The following VPS13B variants were observed in gnomAD, a reference collection of about 807,000 sequenced individuals.
VPS13B encodes the protein intermembrane lipid transfer protein VPS13B.
In VPS13B, 285 loss-of-function variants were observed where a neutral mutation model predicts 426.4. The observed-to-expected ratio is 0.67, with a 90% CI of 0.61 to 0.74. The LOEUF is 0.74. Ranked by LOEUF, VPS13B falls within the 30% of genes least tolerant of loss-of-function variation. The probability of loss-of-function intolerance (pLI) is 0.00; values close to 1 mark genes in which losing one functional copy is unlikely to be tolerated. For missense variants in VPS13B, 4,537 were observed against 4,782.6 expected, an observed-to-expected ratio of 0.95 and a Z score of 1.51; for synonymous variants, 1,676 against 1,676.4, an observed-to-expected ratio of 1.00 and a Z score of 0.01.
chr8:99,783,851 G>A (rs527599121), intron 42 of VPS13B, among the ~76,000 whole-genome samples: 1 of 152,224 alleles, frequency 6.6e-6, no homozygotes, highest in East Asian at 1.9e-4. Flanking sequence ...AGGGATCTGG[G>A]GATGTTTTAC....
At chr8:99,710,653 A>AGT (rs1471310462) in intron 36 of VPS13B, among the ~76,000 whole-genome samples, 2 of 151,876 alleles carry the variant, frequency 1.3e-5, no homozygotes, top group Non-Finnish European at 2.9e-5. Flanking sequence ...CTATCCTGTA[A>AGT]GTGACCCTTT....
chr8:99,235,702 A>T (rs1446870115), intron 17 of VPS13B, among the ~76,000 whole-genome samples: 1 of 152,198 alleles, frequency 6.6e-6, no homozygotes, highest in Non-Finnish European at 1.5e-5. Flanking sequence ...GATGCGTTAC[A>T]TTAAATCCAC....
chr8:99,089,835 G>C (rs1436752680), intron 3 of VPS13B, among the ~76,000 whole-genome samples: 1 of 152,106 alleles, frequency 6.6e-6, no homozygotes, highest in Non-Finnish European at 1.5e-5. Context: ...CCCCACAAGA[G>C]ACAGCTTTAT....
chr8:99,162,620 C>A (rs938007690), intron 15 of VPS13B, among the ~76,000 whole-genome samples: 1 of 152,094 alleles, frequency 6.6e-6, no homozygotes, highest in African/African-American at 2.4e-5. Context: ...GTGAGTGTTA[C>A]AGCTCTTAAG....
Position 99,828,414 on chromosome 8 carries a change from T to G in VPS13B, c.9331-3955T>G, listed in dbSNP as rs1172559566. ...CCACCGTTTTTTTTTTTTTTTTTTT[T>G]TTTTTTTTTTTTTTTTTTTTGCTTT... On this transcript the variant is annotated intron_variant, in intron 51 of 61. Transcript: ENST00000357162. Among the ~76,000 whole-genome samples the G allele has an allele frequency of 9.4e-4, 110 of 116,510 alleles. 8 individuals are homozygous for G. The highest frequency in any genetic ancestry group is 2.7e-3 in the African/African-American group (80 of 29,604). The allele number at this position is 116,510 out of a possible 152,430, so 76.4% of individuals were successfully genotyped here. A position where few individuals can be genotyped will look rare whatever the true frequency, so the allele number is the denominator to read the frequency against.
chr8:99,028,445 C>T (rs1415403676), intron 2 of VPS13B, among the ~76,000 whole-genome samples: 1 of 143,644 alleles, frequency 7.0e-6, no homozygotes, highest in Non-Finnish European at 1.5e-5. Context: ...AGAGGGGCTC[C>T]TCACTTCCCA....
chr8:99,023,175 C>T (rs1010531840), intron 2 of VPS13B, among the ~76,000 whole-genome samples: 2 of 151,480 alleles, frequency 1.3e-5, no homozygotes, highest in African/African-American at 2.4e-5. Context: ...CCCCTCCCAC[C>T]CCTTCTACCC....
In VPS13B at chr8:99,128,406, A is replaced by T. The variant is rs1809561920; in HGVS notation, c.1207-6226A>T. Among the ~76,000 whole-genome samples, 4 of 149,522 alleles carry T rather than the reference A, an allele frequency of 2.7e-5. No individual in the cohort carries two copies. The South Asian group carries it at 8.5e-4, about 32-fold the overall frequency. On this transcript the variant is annotated intron_variant, in intron 8 of 61. Transcript: ENST00000357162. ...TGTCCCAAAAAAAAAAAAAAAAAAA[A>T]AAAAAAAAAAAAAAAAAAAAATTTG...
intron 44 of VPS13B, among the ~76,000 whole-genome samples, chr8:99,810,799 T>C (rs1372431531): frequency 2.0e-5 from 3 of 152,290 alleles, no homozygotes; most frequent in Middle Eastern, 3.4e-3. Context: ...TGAGAAGATA[T>C]GACTTGAGCT....
intron 3 of VPS13B, among the ~76,000 whole-genome samples, chr8:99,075,142 T>C (rs1052015058): frequency 1.3e-5 from 2 of 152,214 alleles, no homozygotes; most frequent in Admixed American, 1.3e-4. Context: ...TACTACTCAT[T>C]GAATCTTGTT....
At chr8:99,073,940 T>A (rs1314558946) in intron 3 of VPS13B, among the ~76,000 whole-genome samples, 3 of 151,844 alleles carry the variant, frequency 2.0e-5, no homozygotes, top group Non-Finnish European at 2.9e-5. Context: ...CTGGCTAATT[T>A]TTTTATTTTT....
intron 30 of VPS13B, among the ~76,000 whole-genome samples, chr8:99,521,735 A>G (rs578200356): frequency 1.3e-5 from 2 of 152,300 alleles, no homozygotes; most frequent in Admixed American, 6.5e-5. Context: ...CAGATGTTGT[A>G]GTCTCACTCT....
intron 19 of VPS13B, among the ~76,000 whole-genome samples, chr8:99,321,194 T>C (rs1285984558): frequency 7.0e-6 from 1 of 142,710 alleles, no homozygotes; most frequent in Non-Finnish European, 1.5e-5. Flanking sequence ...CACAATTTTC[T>C]TTCTTTTTTC....
In VPS13B at chr8:99,853,954, C is replaced by T. The variant is rs781253026; in HGVS notation, c.10565C>T (p.Thr3522Ile). 28 of 1,614,112 alleles carry T rather than the reference C, an allele frequency of 1.7e-5. No homozygotes were observed. Among genetic ancestry groups the T allele is most frequent in the Non-Finnish European group, 2.3e-5 (27 of 1,180,050 alleles). The change falls in exon 56 of 62, where the codon ACC becomes ATC. Residue 3522 changes from threonine (T) to isoleucine (I), a missense_variant. By Grantham distance (89) the Thr-to-Ile change is moderately conservative. Coordinates refer to ENST00000357162, the MANE Select transcript of VPS13B (RefSeq NM_152564.5). ...FVYYIKTLFD[T>I]YLPNSRLAGH... The stretch of plus-strand genomic sequence containing the variant: ...TACTACATCAAGACTTTGTTTGACA[C>T]CTACCTTCCTAACAGCAGGTTGGCT...
intron 19 of VPS13B, chr8:99,340,519 C>G (rs1811183442): frequency 2.1e-6 from 1 of 483,240 alleles, no homozygotes; most frequent in South Asian, 1.6e-5. Flanking sequence ...ATGTTGTGCC[C>G]CATAAATGTG....
chr8:99,795,744 T>C (rs769214658), intron 43 of VPS13B, among the ~76,000 whole-genome samples: 9 of 152,190 alleles, frequency 5.9e-5, no homozygotes, highest in Non-Finnish European at 1.3e-4. Context: ...CCTACATGCC[T>C]TTTGGTAGGA....
intron 17 of VPS13B, among the ~76,000 whole-genome samples, chr8:99,230,964 C>G (rs1460010431): frequency 6.6e-6 from 1 of 152,208 alleles, no homozygotes; most frequent in Non-Finnish European, 1.5e-5. Flanking sequence ...ACCATTATAT[C>G]TAGCAGCCTA....
chr8:99,526,489 G>A lies in VPS13B; in HGVS notation c.4745+5479G>A, dbSNP rs1267257215. ...GGGCAAAGTTAGTAGCTGTGGAGGT[G>A]GTGAGAAGTGGTCAGATTCTGGAGA... On this transcript the variant is annotated intron_variant, in intron 30 of 61. Transcript: ENST00000357162. Among the ~76,000 whole-genome samples the A allele has an allele frequency of 2.0e-5, 3 of 152,124 alleles. No individual in the cohort carries two copies. In the East Asian group the frequency reaches 5.8e-4, roughly 29 times the overall value.
chr8:99,283,328 T>G (rs1312942514), intron 19 of VPS13B, among the ~76,000 whole-genome samples: 1 of 152,192 alleles, frequency 6.6e-6, no homozygotes, highest in East Asian at 1.9e-4. Context: ...CATTTCCTCT[T>G]TCCTCCCTGA....
Sources: gnomAD v4.1 joint callset for allele counts (sites outside exome capture counted in the v4.1 genomes callset) on GRCh38, gnomAD v4.1.1 for gene constraint, MANE v1.5 for transcripts, NCBI Gene and HGNC (gene_info 2026-07-23, HGNC 2026-07-21) for gene names.